Variants in TNPO2 observed in about 807,000 individuals in gnomAD.
TNPO2 encodes the protein transportin-2.
TNPO2 carries 16 observed loss-of-function variants against 111.1 expected under a neutral mutation model. The ratio of observed to expected loss-of-function variants is 0.14; its 90% CI spans 0.10 to 0.22. TNPO2 has a LOEUF of 0.22. Among genes scored for constraint, TNPO2 ranks in the 10% least tolerant of loss-of-function variants. TNPO2 has a pLI of 1.00. For missense variants in TNPO2, 530 were observed against 1,173.7 expected (o/e 0.45, Z 8.01); for synonymous variants, 481 against 475.8 (o/e 1.01, Z -0.14).
At chr19:12,722,667 C>G (rs1967081029) in intron 2 of TNPO2, 1 of 151,812 alleles carries the variant, frequency 6.6e-6, no homozygotes, top group Non-Finnish European at 1.5e-5. Context: ...CTGGTCCCGC[C>G]GAGCCAATCG....
At chr19:12,707,062 G>A (rs112969560) in intron 13 of TNPO2, among the ~76,000 whole-genome samples, 125 of 152,244 alleles carry the variant, frequency 8.2e-4, no homozygotes, top group African/African-American at 2.9e-3. Context: ...GCAGTGGTAC[G>A]ATCATGGCTC....
intron 13 of TNPO2, among the ~76,000 whole-genome samples, chr19:12,709,898 C>A (rs747505466): frequency 6.6e-6 from 1 of 152,084 alleles, no homozygotes; most frequent in Non-Finnish European, 1.5e-5. Context: ...GGATTACAGG[C>A]GTGCACCACA....
intron 20 of TNPO2, 138 bp from the exon 21 acceptor site, chr19:12,703,056 T>G: frequency 1.3e-6 from 1 of 743,284 alleles, no homozygotes; most frequent in South Asian, 1.7e-5. Context: ...ACAAAAGACC[T>G]TCTCCGGCTA....
At position 12,705,927 on chromosome 19, in the gene TNPO2, C is replaced by G; in HGVS notation, c.1669-159G>C. 1.4e-6 allele frequency: 1 copy of G among 699,348 alleles called. No individual in the cohort carries two copies. Among genetic ancestry groups the G allele is most frequent in the Non-Finnish European group, 2.3e-6 (1 of 428,814 alleles). The allele number at this position is 699,348 out of a possible 1,614,324, so 43.3% of individuals were successfully genotyped here. A position where few individuals can be genotyped will look rare whatever the true frequency, so the allele number is the denominator to read the frequency against. On this transcript the variant is annotated intron_variant, in intron 15 of 25. Coordinates refer to ENST00000425528, the MANE Select transcript of TNPO2 (RefSeq NM_001382241.1). This position sits in a 1 kb window ranked among gnomAD's most constrained non-coding sequence, Gnocchi z 7.2. ...CAGACCTCGAGGCCTTCATTCTTCT[C>G]ACCTGTCCAAGCACCGCCCGCCCCA...
chr19:12,701,977 G>C lies in TNPO2; in HGVS notation c.2411+95C>G. ...CTGTGGGGGTGGGGCAGGGCAGGGA[G>C]TCAGTAGGCAGATGGGGCTGGAAAT... On this transcript the variant is annotated intron_variant, in intron 22 of 25. Coordinates refer to ENST00000425528, the MANE Select transcript of TNPO2 (RefSeq NM_001382241.1). The surrounding 1 kb of genome is among the most constrained non-coding windows in gnomAD (Gnocchi z 5.0). The C allele has an allele frequency of 1.4e-6, 2 of 1,425,096 alleles. No individual in the cohort carries two copies. Among genetic ancestry groups the C allele is most frequent in the Non-Finnish European group, 2.0e-6 (2 of 1,010,504 alleles). The allele number at this position is 1,425,096 out of a possible 1,614,324, so 88.3% of individuals were successfully genotyped here. A position where few individuals can be genotyped will look rare whatever the true frequency, so the allele number is the denominator to read the frequency against.
At chr19:12,703,402 C>T (rs770246855) in intron 20 of TNPO2, 26 bp downstream of exon 20, 6 of 1,603,082 alleles carry the variant, frequency 3.7e-6, no homozygotes, top group Admixed American at 3.3e-5. Context: ...ATGGGGGGCG[C>T]GTGTTGCCAC....
At chr19:12,711,231 G>T in intron 12 of TNPO2, 65 bp downstream of exon 12, 1 of 1,568,902 alleles carries the variant, frequency 6.4e-7, no homozygotes. Context: ...TCAGCTTCTA[G>T]TCACCTCCCA....
chr19:12,721,056 C>T lies in TNPO2; in HGVS notation c.-13-66G>A, dbSNP rs1177788741. 4 of 1,533,458 alleles carry T rather than the reference C, an allele frequency of 2.6e-6. No individual in the cohort carries two copies. The highest frequency in any genetic ancestry group is 3.9e-5 in the Admixed American group (2 of 50,822). 95.0% of individuals were successfully genotyped at this position (1,533,458 alleles called of 1,614,324 possible). On this transcript the variant is annotated intron_variant, in intron 2 of 25. Coordinates refer to ENST00000425528, the MANE Select transcript of TNPO2 (RefSeq NM_001382241.1). The surrounding 1 kb of genome is among the most constrained non-coding windows in gnomAD (Gnocchi z 4.9). Reference sequence around the variant, plus strand: ...GCTCCGTGTGAGACCCAGGTGGAGCCCCTGAGGCCGCGGTGGCCGCATGAC... The same window carrying T: ...GCTCCGTGTGAGACCCAGGTGGAGCTCCTGAGGCCGCGGTGGCCGCATGAC...
intron 13 of TNPO2, among the ~76,000 whole-genome samples, chr19:12,709,957 G>A (rs764567490): frequency 2.0e-5 from 3 of 152,140 alleles, no homozygotes; most frequent in Non-Finnish European, 4.4e-5. Context: ...AAGGTTGAGG[G>A]TTTTTGCTGC....
chr19:12,703,532 G>C lies in TNPO2; in HGVS notation c.2111-6C>G. Reference sequence around the variant, plus strand: ...CAGAATGGGCATGAACTCGGCTGGTGGGGAGAAACAGGGGTGCTGAGAAGG... The same window carrying C: ...CAGAATGGGCATGAACTCGGCTGGTCGGGAGAAACAGGGGTGCTGAGAAGG... On this transcript the variant is annotated splice_polypyrimidine_tract_variant and splice_region_variant and intron_variant, in intron 19 of 25. Coordinates refer to ENST00000425528, the MANE Select transcript of TNPO2 (RefSeq NM_001382241.1). The C allele has an allele frequency of 6.2e-7, 1 of 1,613,856 alleles. No homozygotes were observed. The highest frequency in any genetic ancestry group is 8.5e-7 in the Non-Finnish European group (1 of 1,179,786).
rs1383436283 is a variant in TNPO2, at chr19:12,720,986, G to A, written c.-9C>T. 3.8e-6 allele frequency: 6 copies of A among 1,570,612 alleles called. No individual in the cohort carries two copies. The highest frequency in any genetic ancestry group is 5.2e-6 in the Non-Finnish European group (6 of 1,161,920). Reference sequence around the variant, plus strand: ...TCTGGCTGCCAGTCCATGGCGCAAGGCAAGCTGCGGAGGTAGGGGCCGGGG... The same window carrying A: ...TCTGGCTGCCAGTCCATGGCGCAAGACAAGCTGCGGAGGTAGGGGCCGGGG... On this transcript the variant is annotated 5_prime_UTR_variant, in exon 3 of 26. Transcript: ENST00000425528.
rs1243037638 is a variant in TNPO2 at position 12,699,423 on chromosome 19, AAAC to A, written c.*1838_*1840del. On this transcript the variant is annotated 3_prime_UTR_variant, in exon 26 of 26. Coordinates refer to ENST00000425528, the MANE Select transcript of TNPO2 (RefSeq NM_001382241.1). ...AGAAGCTGAAACTTCATTGTGCAAA[AAAC>A]AACCAAAAATAAATTAAAAAATTAA... 17 of 163,240 alleles carry A rather than the reference AAAC, an allele frequency of 1.0e-4. No individual in the cohort carries two copies. The highest frequency in any genetic ancestry group is 4.1e-4 in the African/African-American group (17 of 41,400). 10.1% of individuals were successfully genotyped at this position (163,240 alleles called of 1,614,324 possible).
chr19:12,711,097 T>G lies in TNPO2; in HGVS notation c.1117+199A>C, dbSNP rs573488574. On this transcript the variant is annotated intron_variant, in intron 12 of 25. Coordinates refer to ENST00000425528, the MANE Select transcript of TNPO2 (RefSeq NM_001382241.1). Reference sequence around the variant, plus strand: ...TTTTAGTAGAGACGGGGTTTCACTGTGTTAGCCAGGATGGTGTTGATCTCC... The same window carrying G: ...TTTTAGTAGAGACGGGGTTTCACTGGGTTAGCCAGGATGGTGTTGATCTCC... The G allele has an allele frequency of 6.8e-5, 46 of 679,888 alleles. No individual in the cohort carries two copies. The East Asian group carries it at 1.3e-3, about 19-fold the overall frequency. The allele number at this position is 679,888 out of a possible 1,614,324, so 42.1% of individuals were successfully genotyped here.
Position 12,719,434 on chromosome 19 carries a change from T to C in TNPO2, c.100-98A>G. ...CTATCTCTGACCACTGGGACCAGGCTGCCAGCTCCTGGGGGATCCCGCTCC... is the reference window on the plus strand; with the variant it reads ...CTATCTCTGACCACTGGGACCAGGCCGCCAGCTCCTGGGGGATCCCGCTCC... On this transcript the variant is annotated intron_variant, in intron 3 of 25. Coordinates refer to ENST00000425528, the MANE Select transcript of TNPO2 (RefSeq NM_001382241.1). This position sits in a 1 kb window ranked among gnomAD's most constrained non-coding sequence, Gnocchi z 5.0. 2.0e-6 allele frequency: 2 copies of C among 1,024,878 alleles called. No individual in the cohort carries two copies. Among genetic ancestry groups the C allele is most frequent in the Non-Finnish European group, 3.0e-6 (2 of 666,354 alleles). 63.5% of individuals were successfully genotyped at this position (1,024,878 alleles called of 1,614,324 possible). A position where few individuals can be genotyped will look rare whatever the true frequency, so the allele number is the denominator to read the frequency against.
intron 10 of TNPO2, among the ~76,000 whole-genome samples, chr19:12,712,431 G>A (rs2026118021): frequency 6.6e-6 from 1 of 152,184 alleles, no homozygotes; most frequent in Non-Finnish European, 1.5e-5. Flanking sequence ...CAGTTATCCG[G>A]AGGCCTAACC....
chr19:12,707,276 C>T (rs779464662), intron 13 of TNPO2, among the ~76,000 whole-genome samples: 7 of 152,134 alleles, frequency 4.6e-5, no homozygotes, highest in South Asian at 2.1e-4. Context: ...GGATTACAGG[C>T]GTGAGCCACC....
At chr19:12,713,076 T>C (rs2026154899) in intron 10 of TNPO2, among the ~76,000 whole-genome samples, 1 of 152,174 alleles carries the variant, frequency 6.6e-6, no homozygotes, top group African/African-American at 2.4e-5. Flanking sequence ...GACCCAGGCC[T>C]GGCCACTCAG....
chr19:12,703,733 G>C lies in TNPO2; in HGVS notation c.2091C>G (p.Ile697Met), dbSNP rs969489977. The change falls in exon 19 of 26, where the codon ATC becomes ATG. Residue 697 changes from isoleucine (I) to methionine (M), a missense_variant. By Grantham distance (10) the Ile-to-Met change is conservative (BLOSUM62 1). Coordinates refer to ENST00000425528, the MANE Select transcript of TNPO2 (RefSeq NM_001382241.1). ...LLGDLTKACFIHVKPCIAEFM... is the reference protein window; with the variant it reads ...LLGDLTKACFMHVKPCIAEFM... ...TCGTACCGATACAGGGCTTGACATGGATGAAGCAGGCTTTGGTGAGGTCTC... is the reference window on the plus strand; with the variant it reads ...TCGTACCGATACAGGGCTTGACATGCATGAAGCAGGCTTTGGTGAGGTCTC... 2 of 1,608,368 alleles carry C rather than the reference G, an allele frequency of 1.2e-6. No homozygotes were observed. The highest frequency in any genetic ancestry group is 1.3e-5 in the African/African-American group (1 of 74,842).
At chr19:12,703,317 G>T in intron 20 of TNPO2, 111 bp downstream of exon 20, 1 of 953,968 alleles carries the variant, frequency 1.0e-6, no homozygotes, top group Admixed American at 2.2e-5. Flanking sequence ...CACCCCTGAC[G>T]ACCCCCAAGA....
Sources: allele counts gnomAD v4.1 joint callset (sites outside exome capture counted in the v4.1 genomes callset), GRCh38; gene constraint gnomAD v4.1.1; non-coding constraint Gnocchi (gnomAD v3.1); transcripts MANE v1.5; gene names NCBI Gene and HGNC (gene_info 2026-07-23, HGNC 2026-07-21).